The following CDH13 variants were observed in gnomAD, a reference collection of about 807,000 sequenced individuals.
CDH13 encodes the protein cadherin 13.
A neutral mutation model predicts 63.8 loss-of-function variants in CDH13; 24 were observed. The observed-to-expected ratio is 0.38, with a 90% CI of 0.27 to 0.53. CDH13 has a LOEUF of 0.53. Among genes scored for constraint, CDH13 ranks in the 20% least tolerant of loss-of-function variants. The probability of loss-of-function intolerance (pLI) is 0.85; values close to 1 mark genes in which losing one functional copy is unlikely to be tolerated. For synonymous variants in CDH13, 503 were observed against 355.3 expected (o/e 1.42, Z -4.67); for missense variants, 1,049 against 903.1 (o/e 1.16, Z -2.07).
intron 4 of CDH13, among the ~76,000 whole-genome samples, chr16:83,205,866 G>A (rs1263728553): frequency 6.6e-6 from 1 of 152,146 alleles, no homozygotes; most frequent in African/African-American, 2.4e-5. Context: ...GCATCCCAAA[G>A]TGTTAGGATT....
intron 4 of CDH13, among the ~76,000 whole-genome samples, chr16:83,142,694 C>G (rs542160858): frequency 6.6e-6 from 1 of 152,228 alleles, no homozygotes; most frequent in East Asian, 1.9e-4. Flanking sequence ...TCTTATTTAC[C>G]CTTTTATCTT....
chr16:82,838,969 A>G (rs1472318608), intron 1 of CDH13, among the ~76,000 whole-genome samples: 1 of 152,244 alleles, frequency 6.6e-6, no homozygotes, highest in Non-Finnish European at 1.5e-5. Context: ...CTGGGCAGCT[A>G]CACTACTCTA....
At chr16:83,625,418 A>G (rs1295707661) in intron 8 of CDH13, among the ~76,000 whole-genome samples, 1 of 151,782 alleles carries the variant, frequency 6.6e-6, no homozygotes, top group Non-Finnish European at 1.5e-5. Context: ...CATTCATTTG[A>G]TTTCTTCAGG....
At chr16:83,760,625 C>T (rs1040620613) in intron 11 of CDH13, among the ~76,000 whole-genome samples, 1 of 152,198 alleles carries the variant, frequency 6.6e-6, no homozygotes, top group African/African-American at 2.4e-5. Flanking sequence ...ATATAAAGCT[C>T]AAACCCAGGC....
chr16:83,678,418 G>C lies in CDH13; in HGVS notation c.1495G>C (p.Val499Leu), dbSNP rs1915141083. The C allele has an allele frequency of 6.2e-7, 1 of 1,613,896 alleles. No homozygotes were observed. Among genetic ancestry groups the C allele is most frequent in the South Asian group, 1.1e-5 (1 of 91,086 alleles). ...DLSVGSVLLT[V>L]NATDPDSLQH... ...CTCTGTGGGCAGCGTGCTGCTGACA[G>C]TGAATGCCACGGACCCCGACTCCCT... Residue 499 changes from valine (V) to leucine (L), a missense_variant, in exon 10 of 14, where the codon GTG (valine) becomes CTG (leucine). Val to Leu is a conservative substitution (Grantham distance 32). Transcript: ENST00000567109.
At chr16:83,237,010 G>C (rs1208852774) in intron 5 of CDH13, among the ~76,000 whole-genome samples, 1 of 152,114 alleles carries the variant, frequency 6.6e-6, no homozygotes, top group Non-Finnish European at 1.5e-5. Context: ...CAGAGAAACT[G>C]GACAGGAAAA....
At chr16:82,714,653 G>C (rs1361923763) in intron 1 of CDH13, among the ~76,000 whole-genome samples, 1 of 135,340 alleles carries the variant, frequency 7.4e-6, no homozygotes, top group Non-Finnish European at 1.5e-5. Flanking sequence ...GGTGCTGGTT[G>C]CAGTGAGCCG....
chr16:83,787,908 A>C (rs1915992139), intron 13 of CDH13, among the ~76,000 whole-genome samples: 1 of 152,192 alleles, frequency 6.6e-6, no homozygotes, highest in African/African-American at 2.4e-5. Context: ...ACACCACTGC[A>C]CTCCAGCCTA....
At chr16:83,231,004 T>A (rs1056472426) in intron 5 of CDH13, among the ~76,000 whole-genome samples, 1 of 152,250 alleles carries the variant, frequency 6.6e-6, no homozygotes. Context: ...TTTGTCCACA[T>A]GCCTTCATCT....
chr16:82,881,416 C>G (rs145274163), intron 2 of CDH13, among the ~76,000 whole-genome samples: 5 of 152,282 alleles, frequency 3.3e-5, no homozygotes, highest in African/African-American at 1.2e-4. Flanking sequence ...CACAGGGACT[C>G]TGAAGCCAGG....
At chr16:83,701,430 C>T (rs780427251) in intron 10 of CDH13, among the ~76,000 whole-genome samples, 2 of 152,154 alleles carry the variant, frequency 1.3e-5, no homozygotes, top group Non-Finnish European at 2.9e-5. Context: ...CTCTGTGTGC[C>T]AGTCATAGAG....
chr16:83,494,438 A>T (rs1366145170), intron 7 of CDH13, among the ~76,000 whole-genome samples: 1 of 152,248 alleles, frequency 6.6e-6, no homozygotes, highest in Non-Finnish European at 1.5e-5. Context: ...TCCTGTTGTC[A>T]GTGAAAGAGG....
rs36053087 is a variant in CDH13, at chr16:83,047,253, A to ATTTTT, written c.366+15038_366+15042dup. 6.6e-6 allele frequency among the ~76,000 whole-genome samples: 1 copy of ATTTTT among 151,924 alleles called. No homozygotes were observed. The highest frequency in any genetic ancestry group is 1.5e-5 in the Non-Finnish European group (1 of 67,958). On this transcript the variant is annotated intron_variant, in intron 3 of 13. Coordinates refer to ENST00000567109, the MANE Select transcript of CDH13 (RefSeq NM_001257.5). The surrounding 1 kb of genome is among the most constrained non-coding windows in gnomAD (Gnocchi z 4.9). ...GGCCTGTGTATTTATTTATTTATTT[A>ATTTTT]TTTTTTTGGTAAAGGCCTCTGCTGT...
At chr16:82,711,828 C>G (rs1006332030) in intron 1 of CDH13, among the ~76,000 whole-genome samples, 2 of 152,206 alleles carry the variant, frequency 1.3e-5, no homozygotes, top group Non-Finnish European at 1.5e-5. Context: ...GTCAGTGCCT[C>G]GAGGACTTGT....
chr16:83,305,970 C>A (rs891978848), intron 5 of CDH13, among the ~76,000 whole-genome samples: 34 of 152,198 alleles, frequency 2.2e-4, no homozygotes, highest in Admixed American at 1.6e-3. Context: ...AACAGGGTTT[C>A]TCAATCTCAT....
chr16:83,240,086 G>T (rs1038705215), intron 5 of CDH13, among the ~76,000 whole-genome samples: 1 of 152,092 alleles, frequency 6.6e-6, no homozygotes, highest in African/African-American at 2.4e-5. Context: ...CAAATCGTAG[G>T]GCCCCAGAGT....
intron 2 of CDH13, among the ~76,000 whole-genome samples, chr16:83,007,349 A>G (rs1484638802): frequency 2.0e-5 from 3 of 152,206 alleles, no homozygotes; most frequent in Non-Finnish European, 4.4e-5. Context: ...AATTATATAT[A>G]TTAACATGAA....
chr16:83,361,881 T>G (rs2091169059), intron 6 of CDH13, among the ~76,000 whole-genome samples: 1 of 152,180 alleles, frequency 6.6e-6, no homozygotes, highest in Non-Finnish European at 1.5e-5. Context: ...CTTTGTTCAT[T>G]TTGCTTAGGA....
rs1490835002 is a variant in CDH13 at position 83,368,898 on chromosome 16, A to T, written c.781+23892A>T. Among the ~76,000 whole-genome samples the T allele has an allele frequency of 1.7e-4, 7 of 41,498 alleles. 1 individual carries two copies. The highest frequency in any genetic ancestry group is 2.2e-4 in the Non-Finnish European group (5 of 22,282). 27.2% of individuals were successfully genotyped at this position (41,498 alleles called of 152,430 possible). A position where few individuals can be genotyped will look rare whatever the true frequency, so the allele number is the denominator to read the frequency against. On this transcript the variant is annotated intron_variant, in intron 6 of 13. Transcript: ENST00000567109. ...AGTATTCCATGTTATATATATATAT[A>T]TATATATATATATATATATATATAT...
Sources: allele counts gnomAD v4.1 joint callset (sites outside exome capture counted in the v4.1 genomes callset), GRCh38; gene constraint gnomAD v4.1.1; non-coding constraint Gnocchi (gnomAD v3.1); transcripts MANE v1.5; gene names NCBI Gene and HGNC (gene_info 2026-07-23, HGNC 2026-07-21).